The following SLC10A2 variants were observed in gnomAD, a reference collection of about 807,000 sequenced individuals.
SLC10A2 encodes the protein ileal sodium/bile acid cotransporter.
In SLC10A2, 34 loss-of-function variants were observed where a neutral mutation model predicts 27.1. The ratio of observed to expected loss-of-function variants is 1.26; its 90% confidence interval spans 0.96 to 1.67. SLC10A2 has a LOEUF of 1.67. SLC10A2 is among the 40% of genes most tolerant of loss of function. SLC10A2 has a pLI of 0.00. For missense variants in SLC10A2, 530 were observed against 444.4 expected (o/e 1.19, Z -1.73); for synonymous variants, 205 against 174.0 (o/e 1.18, Z -1.40).
rs1042375031 is a variant in SLC10A2 at position 103,066,226 on chromosome 13, C to T, written c.24G>A (p.Val8=). MNDPNSC[V]DNATVCSGAS... ...CACCAGAGCAAACTGTTGCATTGTC[C>T]ACACAGCTGTTCGGATCATTCATTG... The change falls in exon 1 of 6, where the codon GTG becomes GTA. Residue 8 remains valine, a synonymous_variant. Coordinates refer to ENST00000245312, the MANE Select transcript of SLC10A2 (RefSeq NM_000452.3). 6.2e-6 allele frequency: 10 copies of T among 1,611,820 alleles called. No homozygotes were observed. In the Admixed American group the frequency reaches 1.0e-4, roughly 16 times the overall value.
chr13:103,064,575 C>A (rs1261435619), intron 1 of SLC10A2, among the ~76,000 whole-genome samples: 1 of 152,152 alleles, frequency 6.6e-6, no homozygotes, highest in Non-Finnish European at 1.5e-5. Flanking sequence ...CCAAGTAGTT[C>A]ACTTTTCTCA....
At chr13:103,061,892 A>G (rs1876131114) in intron 1 of SLC10A2, among the ~76,000 whole-genome samples, 1 of 152,200 alleles carries the variant, frequency 6.6e-6, no homozygotes, top group Non-Finnish European at 1.5e-5. Flanking sequence ...AAAAGAAAAT[A>G]TTATCTTACA....
intron 1 of SLC10A2, among the ~76,000 whole-genome samples, chr13:103,064,710 C>A (rs1449116259): frequency 1.3e-5 from 2 of 150,864 alleles, no homozygotes; most frequent in Non-Finnish European, 2.9e-5. Flanking sequence ...ACCTGAATAG[C>A]ACTTGCCATC....
intron 1 of SLC10A2, among the ~76,000 whole-genome samples, chr13:103,059,472 T>G (rs1335349478): frequency 6.6e-6 from 1 of 152,178 alleles, no homozygotes; most frequent in Non-Finnish European, 1.5e-5. Flanking sequence ...TCGTCTGGTG[T>G]GATGAACAGT....
chr13:103,049,608 G>A (rs1344716792), intron 4 of SLC10A2, among the ~76,000 whole-genome samples, 162 bp from the exon 5 acceptor site: 2 of 151,994 alleles, frequency 1.3e-5, no homozygotes, highest in Non-Finnish European at 2.9e-5. Context: ...TGGAATAAGT[G>A]TAATACTTAT....
intron 1 of SLC10A2, among the ~76,000 whole-genome samples, chr13:103,064,197 C>A (rs941233175): frequency 6.6e-6 from 1 of 151,992 alleles, no homozygotes; most frequent in African/African-American, 2.4e-5. Flanking sequence ...TTCATTTGCA[C>A]GGATTTAGCT....
intron 5 of SLC10A2, among the ~76,000 whole-genome samples, chr13:103,048,214 C>T (rs1270798307): frequency 1.1e-4 from 16 of 151,934 alleles, no homozygotes; most frequent in African/African-American, 1.2e-4. Flanking sequence ...CTCGGAACCC[C>T]GTCTCTACTA....
At chr13:103,062,434 T>C (rs901355113) in intron 1 of SLC10A2, among the ~76,000 whole-genome samples, 5 of 152,252 alleles carry the variant, frequency 3.3e-5, no homozygotes, top group African/African-American at 1.2e-4. Context: ...GGATGAAATA[T>C]ACCAACTTAT....
chr13:103,057,681 C>A (rs1388150218), intron 2 of SLC10A2, among the ~76,000 whole-genome samples: 2 of 152,014 alleles, frequency 1.3e-5, no homozygotes, highest in Admixed American at 1.3e-4. Flanking sequence ...GAGTTTGAGA[C>A]CAGCCTGACC....
rs201039481 is a variant in SLC10A2 at position 103,049,328 on chromosome 13, T to C, written c.880A>G (p.Ser294Gly). Residue 294 changes from serine (S) to glycine (G), a missense_variant, in exon 5 of 6, where the codon AGC becomes GGC. Physicochemically the swap from Ser to Gly is moderately conservative, Grantham distance 56. Coordinates refer to ENST00000245312, the MANE Select transcript of SLC10A2 (RefSeq NM_000452.3). ...NVVFTFPLIY[S>G]IFQLAFAAIF... ...GCGGCAAAGGCGAGCTGGAAAATGC[T>C]GTAGATGAGCGGGAAGGTGAATACG... 35 of 1,613,910 alleles carry C rather than the reference T, an allele frequency of 2.2e-5. No homozygotes were observed. The highest frequency in any genetic ancestry group is 3.3e-4 in the Middle Eastern group (2 of 6,082).
Position 103,065,170 on chromosome 13 carries a change from G to GT in SLC10A2, c.377+702dup, listed in dbSNP as rs371600262. 4.9e-3 allele frequency among the ~76,000 whole-genome samples: 742 copies of GT among 151,802 alleles called. 1 individual carries two copies. The highest frequency in any genetic ancestry group is 8.9e-3 in the African/African-American group (370 of 41,394). On this transcript the variant is annotated intron_variant, in intron 1 of 5. Transcript: ENST00000245312. ...TTAATGCTTCATCTTATTTCTATTA[G>GT]TTTTTTTTTCCAGTGCTAGTTCAGA...
intron 5 of SLC10A2, among the ~76,000 whole-genome samples, chr13:103,048,913 A>G (rs570364235): frequency 2.0e-5 from 3 of 152,322 alleles, no homozygotes; most frequent in Non-Finnish European, 4.4e-5. Flanking sequence ...AATATCCTAT[A>G]TTTATAAAGC....
At position 103,052,648 on chromosome 13, in the gene SLC10A2, CA is replaced by C. The variant is rs781456338; in HGVS notation, c.556del (p.Trp186GlyfsTer23). ...AAGTATGATCTTTGCTTTTTGGGGC[CA>C]TTTGTGATTAACAAACATTCCAATG... ...VSIGMFVNHK[W>X]PQKAKIILKI... is the part of the protein sequence containing the mutation. On this transcript the variant is annotated frameshift_variant, in exon 3 of 6. Coordinates refer to ENST00000245312, the MANE Select transcript of SLC10A2 (RefSeq NM_000452.3). LOFTEE classifies it high-confidence loss of function. 158 of 1,611,426 alleles carry C rather than the reference CA, an allele frequency of 9.8e-5. No homozygotes were observed. The South Asian group carries it at 1.3e-3, about 13-fold the overall frequency.
intron 1 of SLC10A2, among the ~76,000 whole-genome samples, chr13:103,059,215 T>G (rs1362534813): frequency 1.3e-5 from 2 of 152,238 alleles, no homozygotes; most frequent in African/African-American, 2.4e-5. Flanking sequence ...TCAGTGATGT[T>G]GAACTTTTTT....
In SLC10A2 at chr13:103,048,677, C is replaced by T. The variant is rs138631885; in HGVS notation, c.919+612G>A. On this transcript the variant is annotated intron_variant, in intron 5 of 5. Coordinates refer to ENST00000245312, the MANE Select transcript of SLC10A2 (RefSeq NM_000452.3). ...TTTCAACTAGGTGAAGGCCAGTGGG[C>T]GGTGGGGCCTGATGGGAAACGCTGG... Among the ~76,000 whole-genome samples, 314 of 152,152 alleles carry T rather than the reference C, an allele frequency of 2.1e-3. 5 individuals carry two copies. The highest frequency in any genetic ancestry group is 3.4e-3 in the Middle Eastern group (1 of 294).
intron 2 of SLC10A2, among the ~76,000 whole-genome samples, chr13:103,056,393 GA>G (rs1371031584): frequency 5.3e-5 from 8 of 151,480 alleles, no homozygotes; most frequent in African/African-American, 1.9e-4. Context: ...AGTGCTAATT[GA>G]TTTTTCATTT....
intron 1 of SLC10A2, among the ~76,000 whole-genome samples, chr13:103,062,931 C>T (rs181579605): frequency 1.3e-5 from 2 of 152,230 alleles, no homozygotes; most frequent in East Asian, 3.9e-4. Context: ...GATGAAGACA[C>T]CGGATATTTG....
intron 3 of SLC10A2, among the ~76,000 whole-genome samples, chr13:103,052,389 A>T (rs1269675439): frequency 6.6e-6 from 1 of 152,264 alleles, no homozygotes; most frequent in South Asian, 2.1e-4. Flanking sequence ...TGGAAGGATC[A>T]CTTGAGCACA....
In SLC10A2 at chr13:103,049,372, G is replaced by GTT; in HGVS notation, c.835_836insAA (p.Thr279LysfsTer28). ...GAATACGACATTGAGCTCCTCAGGA[G>GTT]TGAAGGAGAGCTGAACGATGGTGGA... is the stretch of plus-strand genomic sequence containing the variant. On this transcript the variant is annotated frameshift_variant, in exon 5 of 6. Coordinates refer to ENST00000245312, the MANE Select transcript of SLC10A2 (RefSeq NM_000452.3). LOFTEE classifies it high-confidence loss of function. 6.2e-7 allele frequency: 1 copy of GTT among 1,614,032 alleles called. No homozygotes were observed. The highest frequency in any genetic ancestry group is 1.3e-5 in the African/African-American group (1 of 75,044).
Sources: gnomAD v4.1 joint callset for allele counts (sites outside exome capture counted in the v4.1 genomes callset) on GRCh38, gnomAD v4.1.1 for gene constraint, MANE v1.5 for transcripts, NCBI Gene and HGNC (gene_info 2026-07-23, HGNC 2026-07-21) for gene names.